CSMD3: variants seen among roughly 807,000 people sequenced by gnomAD.
CSMD3 encodes the protein CUB and sushi domain-containing protein 3.
CSMD3 carries 177 observed loss-of-function variants against 435.2 expected under a neutral mutation model. The ratio of observed to expected loss-of-function variants is 0.41; its 90% CI spans 0.36 to 0.46. The LOEUF (loss-of-function observed/expected upper bound fraction) is 0.46, where lower values mean the gene tolerates loss of function less well. Among genes scored for constraint, CSMD3 ranks in the 20% least tolerant of loss-of-function variants. The probability of loss-of-function intolerance (pLI) is 0.34; values close to 1 mark genes in which losing one functional copy is unlikely to be tolerated. For synonymous variants in CSMD3, 1,656 were observed against 1,520.5 expected, an observed-to-expected ratio of 1.09 and a Z score of -2.07; for missense variants, 4,265 against 4,504.6, an observed-to-expected ratio of 0.95 and a Z score of 1.52.
chr8:113,305,769 C>T (rs1288817482), intron 2 of CSMD3, among the ~76,000 whole-genome samples: 1 of 152,172 alleles, frequency 6.6e-6, no homozygotes, highest in Non-Finnish European at 1.5e-5. Context: ...AATTTGAATG[C>T]TCCAAAGTAA....
intron 18 of CSMD3, among the ~76,000 whole-genome samples, chr8:112,653,261 C>T (rs943919672): frequency 2.0e-5 from 3 of 152,088 alleles, no homozygotes; most frequent in African/African-American, 2.4e-5. Context: ...TCAAAATGGA[C>T]ATTTTTCTTA....
At chr8:112,607,994 C>T (rs1832931986) in intron 22 of CSMD3, among the ~76,000 whole-genome samples, 1 of 152,052 alleles carries the variant, frequency 6.6e-6, no homozygotes, top group Non-Finnish European at 1.5e-5. Context: ...CCATCCGAAA[C>T]ATAAAAGAAG....
chr8:112,878,350 A>G (rs1587553417), intron 10 of CSMD3, among the ~76,000 whole-genome samples: 2 of 152,348 alleles, frequency 1.3e-5, no homozygotes, highest in East Asian at 1.9e-4. Flanking sequence ...GAAAATGCAA[A>G]TCAAAACCAC....
intron 3 of CSMD3, among the ~76,000 whole-genome samples, chr8:113,275,739 C>CTTGTAA (rs1234109775): frequency 1.3e-5 from 2 of 151,954 alleles, no homozygotes; most frequent in Non-Finnish European, 2.9e-5. Flanking sequence ...GTGGCTCTTG[C>CTTGTAA]TTGTAATCCC....
At chr8:112,525,022 C>T (rs1256203752) in intron 27 of CSMD3, among the ~76,000 whole-genome samples, 2 of 151,530 alleles carry the variant, frequency 1.3e-5, no homozygotes, top group African/African-American at 2.4e-5. Flanking sequence ...GTCGGTAGCT[C>T]GACTGATATC....
chr8:112,650,102 A>G, intron 19 of CSMD3, 59 bp downstream of exon 19: 1 of 1,250,358 alleles, frequency 8.0e-7, no homozygotes, highest in East Asian at 2.3e-5. Context: ...CATATAAAAA[A>G]CTACATTGAT....
chr8:112,770,272 G>A (rs2078079403), intron 13 of CSMD3, among the ~76,000 whole-genome samples: 1 of 151,986 alleles, frequency 6.6e-6, no homozygotes, highest in Non-Finnish European at 1.5e-5. Context: ...AAAGGGTAAA[G>A]GTGGGTTTAA....
At chr8:112,714,285 GACAA>G (rs1563885120) in intron 13 of CSMD3, among the ~76,000 whole-genome samples, 1 of 150,880 alleles carries the variant, frequency 6.6e-6, no homozygotes, top group African/African-American at 2.4e-5. Flanking sequence ...GTTACTCTCT[GACAA>G]AACAGACTTT....
chr8:112,942,086 G>T (rs2083467671), intron 9 of CSMD3, among the ~76,000 whole-genome samples: 1 of 151,102 alleles, frequency 6.6e-6, no homozygotes, highest in Admixed American at 6.6e-5. Context: ...TGTCCCCTGT[G>T]CACCCTCTCT....
chr8:112,451,945 C>G (rs1267389398), intron 32 of CSMD3, among the ~76,000 whole-genome samples: 1 of 152,068 alleles, frequency 6.6e-6, no homozygotes, highest in Non-Finnish European at 1.5e-5. Context: ...TATTGTTTTG[C>G]TTAGATACTA....
intron 13 of CSMD3, among the ~76,000 whole-genome samples, chr8:112,754,033 C>A (rs2077634924): frequency 6.6e-6 from 1 of 152,144 alleles, no homozygotes; most frequent in Admixed American, 6.5e-5. Flanking sequence ...ATGAATAATG[C>A]AAGGTGCACA....
intron 5 of CSMD3, among the ~76,000 whole-genome samples, chr8:113,088,671 G>A (rs1220551074): frequency 2.1e-5 from 3 of 142,342 alleles, no homozygotes. Context: ...GAGAACACAT[G>A]GACACAAGAA....
intron 9 of CSMD3, among the ~76,000 whole-genome samples, chr8:112,930,125 A>G (rs576658932): frequency 2.0e-5 from 3 of 152,256 alleles, no homozygotes; most frequent in Non-Finnish European, 4.4e-5. Flanking sequence ...GATTTCCACA[A>G]CATGCTATTT....
intron 13 of CSMD3, among the ~76,000 whole-genome samples, chr8:112,743,287 C>T (rs891598285): frequency 1.3e-5 from 2 of 150,438 alleles, no homozygotes; most frequent in Admixed American, 1.3e-4. Flanking sequence ...TTAAGGCTTA[C>T]ATTCTCACCA....
intron 32 of CSMD3, among the ~76,000 whole-genome samples, chr8:112,441,239 C>A (rs1171499778): frequency 6.6e-6 from 1 of 152,098 alleles, no homozygotes; most frequent in African/African-American, 2.4e-5. Context: ...CAAGAGTCAC[C>A]TTTGCTCCCG....
At chr8:112,264,938 A>G (rs1158803765) in intron 60 of CSMD3, among the ~76,000 whole-genome samples, 1 of 152,010 alleles carries the variant, frequency 6.6e-6, no homozygotes, top group East Asian at 1.9e-4. Context: ...TTAATTCTAG[A>G]TTGTATTATA....
chr8:112,903,151 CAAAAAAAAAAAA>C (rs763330055), intron 10 of CSMD3, among the ~76,000 whole-genome samples: 4 of 53,790 alleles, frequency 7.4e-5, no homozygotes, highest in African/African-American at 2.8e-4. Flanking sequence ...GCAGTCTTGG[CAAAAAAAAAAAA>C]AAAAAAAAAA....
intron 27 of CSMD3, among the ~76,000 whole-genome samples, chr8:112,526,144 CTG>C (rs1270617838): frequency 2.0e-5 from 3 of 151,222 alleles, no homozygotes; most frequent in Non-Finnish European, 2.9e-5. Context: ...ATTGTAAAAA[CTG>C]AAGATTTTTA....
chr8:112,859,823 A>C (rs1288197631), intron 10 of CSMD3, among the ~76,000 whole-genome samples: 1 of 151,522 alleles, frequency 6.6e-6, no homozygotes, highest in South Asian at 2.1e-4. Flanking sequence ...GCATTTTCTC[A>C]GTTTTCTAAC....
Sources: gnomAD v4.1 joint callset for allele counts (sites outside exome capture counted in the v4.1 genomes callset) on GRCh38, gnomAD v4.1.1 for gene constraint, MANE v1.5 for transcripts, NCBI Gene and HGNC (gene_info 2026-07-23, HGNC 2026-07-21) for gene names.